The following LRRTM1 variants were observed in gnomAD, a reference collection of about 807,000 sequenced individuals.
LRRTM1 encodes leucine rich repeat transmembrane neuronal 1.
Under a neutral mutation model 37.3 loss-of-function variants are expected in LRRTM1, and 8 were observed. The observed-to-expected ratio is 0.21, with a 90% CI of 0.13 to 0.39. The LOEUF (loss-of-function observed/expected upper bound fraction) is 0.39. Ranked by LOEUF, LRRTM1 falls within the 10% of genes least tolerant of loss-of-function variation. The pLI is 1.00. For missense variants in LRRTM1, 557 were observed against 691.0 expected (o/e 0.81, Z 2.17); for synonymous variants, 326 against 316.8 (o/e 1.03, Z -0.31).
chr2:80,304,350 C>G lies in LRRTM1; in HGVS notation c.-258G>C, dbSNP rs1676690255. The G allele has an allele frequency of 6.5e-6, 1 of 152,814 alleles. No individual in the cohort carries two copies. The allele number at this position is 152,814 out of a possible 1,614,324, so 9.5% of individuals were successfully genotyped here. On this transcript the variant is annotated 5_prime_UTR_variant, in exon 1 of 2. Coordinates refer to ENST00000295057, the MANE Select transcript of LRRTM1 (RefSeq NM_178839.5). ...GGCCGGCAAGGCGGGGAGGCGACTTCTAGGACCCGCAAGTTTCCCAACTAC... is the reference window on the plus strand; with the variant it reads ...GGCCGGCAAGGCGGGGAGGCGACTTGTAGGACCCGCAAGTTTCCCAACTAC...
exon 3 of LRRTM1, chr2:80,288,837 G>C (rs1181930133): frequency 1.3e-5 from 2 of 152,176 alleles, no homozygotes; most frequent in Non-Finnish European, 2.9e-5. Flanking sequence ...GTTCTTTGGG[G>C]TTGGTGGCCC....
At chr2:80,297,610 A>G (rs1675860674), downstream of LRRTM1, among the ~76,000 whole-genome samples, 1 of 152,186 alleles carries the variant, frequency 6.6e-6, no homozygotes, top group Non-Finnish European at 1.5e-5. Context: ...CAGAAGTAAG[A>G]ATTTTGCCTC....
intron 2 of LRRTM1, among the ~76,000 whole-genome samples, chr2:80,291,490 A>G (rs1332041257): frequency 6.6e-6 from 1 of 152,216 alleles, no homozygotes; most frequent in Non-Finnish European, 1.5e-5. Flanking sequence ...TCAGATGTGT[A>G]CTTCATCATT....
At chr2:80,289,563 A>G (rs1408443693) in intron 2 of LRRTM1, among the ~76,000 whole-genome samples, 1 of 152,170 alleles carries the variant, frequency 6.6e-6, no homozygotes, top group East Asian at 1.9e-4. Flanking sequence ...ATGTCACTCT[A>G]CTGTGGTGAT....
chr2:80,289,732 A>G (rs531383494), intron 2 of LRRTM1, among the ~76,000 whole-genome samples: 8 of 152,286 alleles, frequency 5.3e-5, no homozygotes, highest in African/African-American at 1.7e-4. Context: ...ACAGAGTCAC[A>G]CTAGTGACTG....
Sources: allele counts gnomAD v4.1 joint callset (sites outside exome capture counted in the v4.1 genomes callset), GRCh38; gene constraint gnomAD v4.1.1; transcripts MANE v1.5; gene names NCBI Gene and HGNC (gene_info 2026-07-23, HGNC 2026-07-21).